ZNF362: variants seen among roughly 807,000 people sequenced by gnomAD.
ZNF362 encodes rotund homolog.
ZNF362 carries 11 observed loss-of-function variants against 42.9 expected under a neutral mutation model. The observed-to-expected ratio is 0.26, with a 90% CI of 0.16 to 0.42. The LOEUF is 0.42. Ranked by LOEUF, ZNF362 falls within the 20% of genes least tolerant of loss-of-function variation. ZNF362 has a pLI of 1.00. For missense variants in ZNF362, 362 were observed against 576.2 expected (o/e 0.63, Z 3.81); for synonymous variants, 255 against 257.3 (o/e 0.99, Z 0.09).
the ZNF362 span, among the ~76,000 whole-genome samples, chr1:33,231,724 G>T: frequency 6.6e-6 from 1 of 152,134 alleles, no homozygotes; most frequent in Non-Finnish European, 1.5e-5. Flanking sequence ...CAAAATAAAT[G>T]TCCAATTAAT....
chr1:33,188,414 G>T, the ZNF362 span, among the ~76,000 whole-genome samples: 1 of 152,216 alleles, frequency 6.6e-6, no homozygotes, highest in Non-Finnish European at 1.5e-5. Context: ...CCATGGCCAT[G>T]TTATGGGGGA....
chr1:33,284,220 G>A (rs1225134020), intron 6 of ZNF362, among the ~76,000 whole-genome samples: 4 of 152,224 alleles, frequency 2.6e-5, no homozygotes, highest in African/African-American at 9.6e-5. Flanking sequence ...CAAGCCATAA[G>A]CAGGTCCAGT....
At chr1:33,158,854 T>C in the ZNF362 span, among the ~76,000 whole-genome samples, 10 of 152,086 alleles carry the variant, frequency 6.6e-5, no homozygotes. Flanking sequence ...TTCTTTTTTT[T>C]TTTGAGACAG....
the ZNF362 span, chr1:33,181,617 G>T: frequency 1.7e-6 from 2 of 1,152,340 alleles, no homozygotes; most frequent in Non-Finnish European, 2.3e-6. The surrounding 1 kb of genome is among the most constrained non-coding windows in gnomAD (Gnocchi z 6.5). Context: ...GGGGTGCGCG[G>T]CTGAGACTCC....
At chr1:33,205,594 C>A in the ZNF362 span, among the ~76,000 whole-genome samples, 2 of 151,864 alleles carry the variant, frequency 1.3e-5, no homozygotes, top group Non-Finnish European at 2.9e-5. Flanking sequence ...CTACAGTAGT[C>A]AAGATATTTT....
chr1:33,200,985 C>T, the ZNF362 span, among the ~76,000 whole-genome samples: 3 of 152,162 alleles, frequency 2.0e-5, no homozygotes, highest in Non-Finnish European at 4.4e-5. Flanking sequence ...ATCTACAAGA[C>T]AAGGAGAGAG....
chr1:33,294,400 G>A lies in ZNF362; in HGVS notation c.909-537G>A, dbSNP rs1427114563. Among the ~76,000 whole-genome samples, 1 of 152,170 alleles carries A rather than the reference G, an allele frequency of 6.6e-6. No homozygotes were observed. The highest frequency in any genetic ancestry group is 1.5e-5 in the Non-Finnish European group (1 of 68,044). On this transcript the variant is annotated intron_variant, in intron 6 of 8. Transcript: ENST00000539719. The surrounding 1 kb of genome is among the most constrained non-coding windows in gnomAD (Gnocchi z 4.2). ...AAGGACACAGAGGGGCTGAGCTTCA[G>A]GGCCATGCTGTCCCACATTCTCCCA...
the ZNF362 span, among the ~76,000 whole-genome samples, chr1:33,250,850 AAGG>A: frequency 2.1e-5 from 2 of 94,430 alleles, no homozygotes; most frequent in African/African-American, 4.0e-5. Context: ...AAGAAGAAAG[AAGG>A]AAGAAGAAGA....
chr1:33,239,254 C>T, the ZNF362 span, among the ~76,000 whole-genome samples: 1 of 152,138 alleles, frequency 6.6e-6, no homozygotes, highest in Non-Finnish European at 1.5e-5. Context: ...GATTTGCTGT[C>T]TCCTGTTCCA....
chr1:33,283,210 C>T (rs1030512091), intron 6 of ZNF362, among the ~76,000 whole-genome samples: 1 of 152,154 alleles, frequency 6.6e-6, no homozygotes, highest in African/African-American at 2.4e-5. Context: ...TCACTGCAAC[C>T]TCTGCCTCCT....
Position 33,295,608 on chromosome 1 carries a change from T to TAG in ZNF362, c.1146+304_1146+305insGA, listed in dbSNP as rs1553180219. On this transcript the variant is annotated intron_variant, in intron 8 of 8. Coordinates refer to ENST00000539719, the MANE Select transcript of ZNF362 (RefSeq NM_152493.3). ...AGGCTTTTCACCTGCTCCGCAGAGC[T>TAG]ACAGAGAGAAGCGCCTTCCTGTCAC... 8.5e-5 allele frequency among the ~76,000 whole-genome samples: 9 copies of TAG among 106,322 alleles called. No individual in the cohort carries two copies. In the South Asian group the frequency reaches 1.6e-3, roughly 19 times the overall value. The allele number at this position is 106,322 out of a possible 152,430, so 69.8% of individuals were successfully genotyped here.
chr1:33,209,374 A>G, the ZNF362 span, among the ~76,000 whole-genome samples: 1 of 152,270 alleles, frequency 6.6e-6, no homozygotes, highest in East Asian at 1.9e-4. Flanking sequence ...TATTGGCCTA[A>G]AATTCTCTTT....
the ZNF362 span, among the ~76,000 whole-genome samples, chr1:33,139,444 C>G: frequency 1.3e-5 from 2 of 152,204 alleles, no homozygotes; most frequent in African/African-American, 4.8e-5. Flanking sequence ...ACCCAGAGTC[C>G]TTCTTGGAAA....
chr1:33,128,969 G>A, the ZNF362 span, among the ~76,000 whole-genome samples: 2 of 152,256 alleles, frequency 1.3e-5, no homozygotes, highest in Non-Finnish European at 2.9e-5. Flanking sequence ...TAAAGCTGCC[G>A]GCCAGGATTA....
the ZNF362 span, among the ~76,000 whole-genome samples, chr1:33,230,863 C>T: frequency 4.7e-3 from 715 of 152,256 alleles, 8 homozygotes; most frequent in African/African-American, 0.016. Flanking sequence ...TAGATGTAAT[C>T]GAAGCTCAGA....
the ZNF362 span, chr1:33,147,794 T>C: frequency 1.3e-6 from 2 of 1,536,496 alleles, no homozygotes; most frequent in Non-Finnish European, 1.8e-6. This position sits in a 1 kb window ranked among gnomAD's most constrained non-coding sequence, Gnocchi z 8.1. Context: ...ATGCAGTGCC[T>C]TCCTGAGGGC....
chr1:33,137,720 C>G, the ZNF362 span, among the ~76,000 whole-genome samples: 20 of 152,172 alleles, frequency 1.3e-4, no homozygotes, highest in African/African-American at 4.8e-4. Context: ...AGAAAACTTT[C>G]AAGTGGCTCA....
chr1:33,257,095 T>G (rs1223485779), intron 1 of ZNF362, among the ~76,000 whole-genome samples: 4 of 152,182 alleles, frequency 2.6e-5, no homozygotes, highest in Non-Finnish European at 5.9e-5. Flanking sequence ...TTTCTCCCTT[T>G]TTTTGCAGAT....
chr1:33,194,345 G>T, the ZNF362 span, among the ~76,000 whole-genome samples: 13 of 152,086 alleles, frequency 8.5e-5, no homozygotes, highest in African/African-American at 3.1e-4. Flanking sequence ...AGACCAGCCT[G>T]GGCAAAATGG....
Sources: allele counts gnomAD v4.1 joint callset (sites outside exome capture counted in the v4.1 genomes callset), GRCh38; gene constraint gnomAD v4.1.1; non-coding constraint Gnocchi (gnomAD v3.1); transcripts MANE v1.5; gene names NCBI Gene and HGNC (gene_info 2026-07-23, HGNC 2026-07-21).